MTUS2: variants seen among roughly 807,000 people sequenced by gnomAD.
MTUS2 encodes microtubule-associated tumor suppressor candidate 2.
A neutral mutation model predicts 114.1 loss-of-function variants in MTUS2; 40 were observed. That is an observed-to-expected ratio of 0.35 (90% CI 0.27 to 0.46). The LOEUF (loss-of-function observed/expected upper bound fraction) is 0.46. Ranked by LOEUF, MTUS2 falls within the 20% of genes least tolerant of loss-of-function variation. The pLI, the probability that MTUS2 is intolerant of heterozygous loss-of-function variation, is 1.00. For missense variants in MTUS2, 1,679 were observed against 1,705.4 expected (o/e 0.98, Z 0.27); for synonymous variants, 688 against 672.0 (o/e 1.02, Z -0.37).
intron 5 of MTUS2, among the ~76,000 whole-genome samples, chr13:29,249,553 A>G (rs1451642111): frequency 6.6e-6 from 1 of 152,178 alleles, no homozygotes; most frequent in African/African-American, 2.4e-5. Flanking sequence ...CATTTCTGTA[A>G]TGATCAGTGA....
chr13:28,887,653 G>T (rs1399881548), intron 2 of MTUS2, among the ~76,000 whole-genome samples: 2 of 152,168 alleles, frequency 1.3e-5, no homozygotes, highest in Non-Finnish European at 2.9e-5. Context: ...TCTGGACCTT[G>T]CAGGCATGTG....
Position 29,026,281 on chromosome 13 carries a change from C to T in MTUS2, c.1583C>T (p.Ser528Leu), listed in dbSNP as rs769758196. 4.3e-6 allele frequency: 7 copies of T among 1,613,990 alleles called. No homozygotes were observed. In the East Asian group the frequency reaches 1.6e-4, roughly 36 times the overall value. ...KIESTSARADSVLNIPAPLHP... is the reference protein window; with the variant it reads ...KIESTSARADLVLNIPAPLHP... ...GAAAGCACCTCAGCAAGAGCAGATT[C>T]AGTTCTCAATATTCCAGCACCCCTC... The change falls in exon 3 of 16, where the codon TCA becomes TTA. Residue 528 changes from serine (S) to leucine (L), a missense_variant. Coordinates refer to ENST00000612955, the MANE Select transcript of MTUS2 (RefSeq NM_001033602.4).
intron 5 of MTUS2, among the ~76,000 whole-genome samples, chr13:29,208,264 A>G (rs1419672785): frequency 2.0e-5 from 3 of 152,012 alleles, no homozygotes; most frequent in South Asian, 2.1e-4. Flanking sequence ...TTTCTGTGGT[A>G]TCAGTTATAG....
intron 5 of MTUS2, among the ~76,000 whole-genome samples, chr13:29,178,580 C>T (rs566413418): frequency 8.4e-4 from 127 of 152,000 alleles, no homozygotes; most frequent in Middle Eastern, 3.4e-3. Flanking sequence ...GCACTTCAGC[C>T]CAGTTGTGAC....
chr13:29,370,799 G>C (rs945513242), intron 8 of MTUS2, among the ~76,000 whole-genome samples: 1 of 152,162 alleles, frequency 6.6e-6, no homozygotes, highest in Non-Finnish European at 1.5e-5. Flanking sequence ...AAACCAATTT[G>C]AATATATAGC....
intron 9 of MTUS2, among the ~76,000 whole-genome samples, chr13:29,456,899 A>T (rs955925304): frequency 1.3e-5 from 2 of 152,112 alleles, no homozygotes; most frequent in Admixed American, 1.3e-4. Context: ...GCACTTTGGG[A>T]GGCTGAGGCG....
chr13:29,351,187 T>A (rs1869234501), intron 7 of MTUS2, among the ~76,000 whole-genome samples: 1 of 152,034 alleles, frequency 6.6e-6, no homozygotes, highest in Non-Finnish European at 1.5e-5. Context: ...TCATTTCTTT[T>A]TGATGATGAT....
At chr13:29,495,015 T>C (rs1290286324) in intron 12 of MTUS2, among the ~76,000 whole-genome samples, 2 of 151,416 alleles carry the variant, frequency 1.3e-5, no homozygotes, top group South Asian at 2.1e-4. Context: ...TAAAACCCTG[T>C]CTCTACCAAA....
chr13:29,242,418 A>C (rs1896763827), intron 5 of MTUS2: 1 of 176,850 alleles, frequency 5.7e-6, no homozygotes, highest in South Asian at 2.0e-4. Context: ...TTTTATTGTG[A>C]GTAGTATTCC....
chr13:29,457,254 A>C (rs1293428693), intron 9 of MTUS2, among the ~76,000 whole-genome samples: 1 of 152,172 alleles, frequency 6.6e-6, no homozygotes, highest in Admixed American at 6.5e-5. Context: ...CACCCAAAAC[A>C]AGATATAGGA....
chr13:29,088,424 T>C (rs931703744), intron 4 of MTUS2, among the ~76,000 whole-genome samples: 3 of 152,194 alleles, frequency 2.0e-5, no homozygotes, highest in African/African-American at 7.2e-5. Flanking sequence ...GTATGTGCCA[T>C]GTGCAGATGA....
chr13:29,037,357 G>C (rs1244674067), intron 4 of MTUS2, among the ~76,000 whole-genome samples: 1 of 152,182 alleles, frequency 6.6e-6, no homozygotes, highest in Admixed American at 6.5e-5. Context: ...CTTCTGGCTT[G>C]TAGAGTTTCT....
intron 11 of MTUS2, among the ~76,000 whole-genome samples, chr13:29,488,993 G>C (rs948033106): frequency 6.6e-6 from 1 of 152,140 alleles, no homozygotes; most frequent in Non-Finnish European, 1.5e-5. Flanking sequence ...TTGTTAAAGT[G>C]TGTATTAAAG....
chr13:29,174,149 T>G (rs915097030), intron 5 of MTUS2, among the ~76,000 whole-genome samples: 5 of 152,180 alleles, frequency 3.3e-5, no homozygotes, highest in African/African-American at 1.2e-4. Flanking sequence ...TTGGAAAGTG[T>G]GCTTCATTTA....
At chr13:29,467,209 G>A (rs1382623609) in intron 9 of MTUS2, among the ~76,000 whole-genome samples, 5 of 152,082 alleles carry the variant, frequency 3.3e-5, no homozygotes, top group Non-Finnish European at 5.9e-5. Context: ...AAGAGTGGTC[G>A]CAAACTTAAA....
At chr13:29,189,537 T>TA (rs575429956) in intron 5 of MTUS2, among the ~76,000 whole-genome samples, 4,946 of 143,016 alleles carry the variant, frequency 0.035, 156 homozygotes, top group African/African-American at 0.092. Context: ...AAAGGGACAG[T>TA]AAAAAAAAAA....
In MTUS2 at chr13:29,307,481, T is replaced by C. The variant is rs950609968; in HGVS notation, c.2807-17132T>C. On this transcript the variant is annotated intron_variant, in intron 6 of 15. Transcript: ENST00000612955. ...AAGCTCACTGGCATGGCCTTCTGTG[T>C]CCCCACTGCCAACTTGTCAGTTGTG... The C allele has an allele frequency of 3.8e-6, 5 of 1,308,066 alleles. No individual in the cohort carries two copies. The African/African-American group carries it at 5.8e-5, about 15-fold the overall frequency. 81.0% of individuals were successfully genotyped at this position (1,308,066 alleles called of 1,614,324 possible).
At chr13:29,013,724 A>C (rs1322468137) in intron 2 of MTUS2, among the ~76,000 whole-genome samples, 3 of 152,190 alleles carry the variant, frequency 2.0e-5, no homozygotes, top group African/African-American at 4.8e-5. Context: ...CAGACCTTCC[A>C]TGTGTGTGAG....
At chr13:28,866,577 A>G (rs923969473) in intron 2 of MTUS2, among the ~76,000 whole-genome samples, 2 of 152,198 alleles carry the variant, frequency 1.3e-5, no homozygotes, top group Admixed American at 1.3e-4. Flanking sequence ...TTATTCTGAA[A>G]TGGTTTGAGA....
Sources: gnomAD v4.1 joint callset for allele counts (sites outside exome capture counted in the v4.1 genomes callset) on GRCh38, gnomAD v4.1.1 for gene constraint, MANE v1.5 for transcripts, NCBI Gene and HGNC (gene_info 2026-07-23, HGNC 2026-07-21) for gene names.